LARP7: variants seen among roughly 807,000 people sequenced by gnomAD.
The protein encoded by LARP7 is La ribonucleoprotein 7, transcriptional regulator, also known as la-related protein 7.
Under a neutral mutation model 69.3 loss-of-function variants are expected in LARP7, and 52 were observed. The observed-to-expected ratio is 0.75, with a 90% CI of 0.60 to 0.95. The LOEUF is 0.95. Ranked by LOEUF, LARP7 falls within the 40% of genes least tolerant of loss-of-function variation. The probability of loss-of-function intolerance (pLI) is 0.00; values close to 1 mark genes in which losing one functional copy is unlikely to be tolerated. For missense variants in LARP7, 733 were observed against 673.0 expected, an observed-to-expected ratio of 1.09 and a Z score of -0.99; for synonymous variants, 254 against 215.9, an observed-to-expected ratio of 1.18 and a Z score of -1.55.
chr4:112,647,551 T>C lies in LARP7; in HGVS notation c.997+2T>C. The C allele has an allele frequency of 1.3e-6, 2 of 1,586,322 alleles. No individual in the cohort carries two copies. Among genetic ancestry groups the C allele is most frequent in the South Asian group, 2.3e-5 (2 of 86,578 alleles). The stretch of plus-strand genomic sequence containing the variant: ...CAGAAGCTTCCAAGGAAAATAGAGG[T>C]AAAACTACAAGGTTTTAATTAGATA... On this transcript the variant is annotated splice_donor_variant, in intron 7 of 12. Coordinates refer to ENST00000344442, the MANE Select transcript of LARP7 (RefSeq NM_016648.4). LOFTEE classifies it high-confidence loss of function.
intron 12 of LARP7, 157 bp downstream of exon 12, chr4:112,654,316 T>G (rs2149286902): frequency 4.0e-6 from 2 of 505,092 alleles, no homozygotes; most frequent in Non-Finnish European, 7.1e-6. Context: ...GGAAAAGTCA[T>G]TTCTCTAGAT....
chr4:112,657,170 T>TTG (rs35719274), intron 12 of LARP7, 77 bp from the exon 13 acceptor site: 23,060 of 512,610 alleles, frequency 0.045, 231 homozygotes, highest in East Asian at 0.12. Context: ...AGTCATAGTT[T>TTG]TGTGTGTGTG....
chr4:112,650,333 T>A, intron 9 of LARP7, 128 bp from the exon 10 acceptor site: 2 of 899,876 alleles, frequency 2.2e-6, no homozygotes, highest in Non-Finnish European at 3.3e-6. Context: ...AATTGTTTAC[T>A]TTAAAATTAA....
intron 8 of LARP7, chr4:112,648,448 G>GT (rs1560940085): frequency 1.9e-6 from 1 of 534,268 alleles, no homozygotes. Context: ...TTCAAATGAG[G>GT]TTAGCGTGTT....
chr4:112,646,612 C>A lies in LARP7; in HGVS notation c.328C>A (p.Arg110=). The change falls in exon 4 of 13, where the codon CGG becomes AGG. Residue 110 remains arginine, a synonymous_variant. Coordinates refer to ENST00000344442, the MANE Select transcript of LARP7 (RefSeq NM_016648.4). ...VELDLEGTRI[R]RKKPLGERPK... ...GCTTGATTTGGAAGGCACCAGAATC[C>A]GGAGGAAAAAACCTCTGGGGGAAAG... The A allele has an allele frequency of 1.3e-6, 2 of 1,597,942 alleles. No homozygotes were observed. The highest frequency in any genetic ancestry group is 1.7e-5 in the Admixed American group (1 of 58,692).
Position 112,653,140 on chromosome 4 carries a change from C to T in LARP7, c.1480C>T (p.His494Tyr), listed in dbSNP as rs1308482329. 3 of 1,610,850 alleles carry T rather than the reference C, an allele frequency of 1.9e-6. No homozygotes were observed. The East Asian group carries it at 6.7e-5, about 36-fold the overall frequency. The change falls in exon 11 of 13, where the codon CAT becomes TAT. Residue 494 changes from histidine to tyrosine, a missense_variant. Transcript: ENST00000344442. Reference sequence around the variant, plus strand: ...TTTGCTAGAAGGGGATACAGAATGCCATGCTAGATTTAAAACTCCTGAGGA... The same window carrying T: ...TTTGCTAGAAGGGGATACAGAATGCTATGCTAGATTTAAAACTCCTGAGGA... ...VDLLEGDTECHARFKTPEDAQ... is the reference protein window; with the variant it reads ...VDLLEGDTECYARFKTPEDAQ...
Position 112,652,310 on chromosome 4 carries a change from T to A in LARP7, c.1417-767T>A, listed in dbSNP as rs186398190. 6.7e-4 allele frequency among the ~76,000 whole-genome samples: 86 copies of A among 128,924 alleles called. 2 individuals are homozygous for A. The East Asian group carries it at 0.023, about 34-fold the overall frequency. 84.6% of individuals were successfully genotyped at this position (128,924 alleles called of 152,430 possible). A position where few individuals can be genotyped will look rare whatever the true frequency, so the allele number is the denominator to read the frequency against. ...ATAAGATTTCCCCCCCCCCCCCATT[T>A]AGCAATCTCCAGTTACTTCTTTAGC... On this transcript the variant is annotated intron_variant, in intron 10 of 12. Coordinates refer to ENST00000344442, the MANE Select transcript of LARP7 (RefSeq NM_016648.4).
chr4:112,646,207 C>T, intron 2 of LARP7, 144 bp from the exon 3 acceptor site: 2 of 457,724 alleles, frequency 4.4e-6, no homozygotes, highest in Non-Finnish European at 8.0e-6. Flanking sequence ...TTGAACTCCC[C>T]CATCCACCCG....
At chr4:112,648,502 G>A (rs780401879) in intron 8 of LARP7, 1 of 534,482 alleles carries the variant, frequency 1.9e-6, no homozygotes, top group Non-Finnish European at 3.8e-6. Flanking sequence ...CTAAAACATG[G>A]AAGCACTTAC....
In LARP7 at chr4:112,646,771, T is replaced by G. The variant is rs1000356255; in HGVS notation, c.388-20T>G. 6 of 1,566,388 alleles carry G rather than the reference T, an allele frequency of 3.8e-6. No individual in the cohort carries two copies. Among genetic ancestry groups the G allele is most frequent in the Non-Finnish European group, 5.2e-6 (6 of 1,158,320 alleles). ...ATTCTGATTGTGAAAAACTCTAATA[T>G]TGCTTTTAATTTATAATAGGAGTTA... On this transcript the variant is annotated intron_variant, in intron 4 of 12. Coordinates refer to ENST00000344442, the MANE Select transcript of LARP7 (RefSeq NM_016648.4).
At chr4:112,638,128 T>C (rs1167141016) in intron 1 of LARP7, 4 of 152,206 alleles carry the variant, frequency 2.6e-5, no homozygotes, top group Non-Finnish European at 4.4e-5. Flanking sequence ...AAATCTCGTC[T>C]CTACTAAAAA....
intron 12 of LARP7, chr4:112,654,433 T>A: frequency 3.7e-6 from 1 of 270,418 alleles, no homozygotes. Flanking sequence ...GATATCTGGC[T>A]GCTATGTCTT....
At chr4:112,647,945 G>C (rs1032493659) in intron 8 of LARP7, 111 bp downstream of exon 8, 1 of 842,794 alleles carries the variant, frequency 1.2e-6, no homozygotes, top group Non-Finnish European at 2.1e-6. Context: ...GTAATGGCCT[G>C]TAGCCAAGAA....
chr4:112,641,172 A>G (rs111548975), intron 1 of LARP7, among the ~76,000 whole-genome samples: 15,203 of 152,128 alleles, frequency 0.1, 2,331 homozygotes, highest in African/African-American at 0.33. Flanking sequence ...AGGCCAAGGC[A>G]GGCAGATCAC....
intron 8 of LARP7, 53 bp from the exon 9 acceptor site, chr4:112,649,482 C>A: frequency 7.1e-7 from 1 of 1,410,142 alleles, no homozygotes; most frequent in Non-Finnish European, 9.6e-7. Context: ...TAGATATTTC[C>A]CTATTTACTT....
intron 1 of LARP7, among the ~76,000 whole-genome samples, chr4:112,640,299 C>T (rs1263945739): frequency 1.3e-5 from 2 of 152,204 alleles, no homozygotes; most frequent in Non-Finnish European, 2.9e-5. Flanking sequence ...TAACACTTTA[C>T]AGGTACTTTT....
intron 2 of LARP7, among the ~76,000 whole-genome samples, chr4:112,645,104 G>C (rs929659281): frequency 1.3e-5 from 2 of 151,732 alleles, no homozygotes; most frequent in African/African-American, 4.8e-5. Context: ...GCACCACCAT[G>C]CCCGGCTAAT....
intron 1 of LARP7, among the ~76,000 whole-genome samples, chr4:112,641,952 G>T (rs995999121): frequency 1.3e-5 from 2 of 152,160 alleles, no homozygotes; most frequent in African/African-American, 4.8e-5. Context: ...GTGTGTAAAT[G>T]AGAAGGAAGC....
At position 112,647,220 on chromosome 4, in the gene LARP7, A is replaced by G. The variant is rs2149265658; in HGVS notation, c.668A>G (p.Lys223Arg). ...RVVEEKKKKK[K>R]KKGRMKKEDN... Reference sequence around the variant, plus strand: ...ACAGAAGAGAAGAAAAAGAAAAAGAAGAAGAAAGGCCGAATGAAAAAGGAA... The same window carrying G: ...ACAGAAGAGAAGAAAAAGAAAAAGAGGAAGAAAGGCCGAATGAAAAAGGAA... Residue 223 changes from lysine (K) to arginine (R), a missense_variant, in exon 7 of 13, where the codon AAG becomes AGG. Transcript: ENST00000344442. 1.3e-6 allele frequency: 2 copies of G among 1,591,742 alleles called. No individual in the cohort carries two copies. Among genetic ancestry groups the G allele is most frequent in the Middle Eastern group, 1.7e-4 (1 of 5,926 alleles).
Sources: allele counts gnomAD v4.1 joint callset (sites outside exome capture counted in the v4.1 genomes callset), GRCh38; gene constraint gnomAD v4.1.1; transcripts MANE v1.5; gene names NCBI Gene and HGNC (gene_info 2026-07-23, HGNC 2026-07-21).